Variants in LRRC4C observed in about 807,000 individuals in gnomAD.
The protein encoded by LRRC4C is leucine rich repeat containing 4C, also known as leucine-rich repeat-containing protein 4C.
A neutral mutation model predicts 33.6 loss-of-function variants in LRRC4C; 5 were observed. The observed-to-expected ratio is 0.15, with a 90% CI of 0.08 to 0.31. The LOEUF (loss-of-function observed/expected upper bound fraction) is 0.31. Ranked by LOEUF, LRRC4C falls within the 10% of genes least tolerant of loss-of-function variation. The pLI is 1.00. For missense variants in LRRC4C, 560 were observed against 796.7 expected (o/e 0.70, Z 3.58); for synonymous variants, 329 against 302.0 (o/e 1.09, Z -0.93).
intron 3 of LRRC4C, among the ~76,000 whole-genome samples, chr11:40,500,256 C>T (rs1300373778): frequency 7.0e-6 from 1 of 142,332 alleles, no homozygotes; most frequent in East Asian, 2.1e-4. Context: ...ATCTAGACCA[C>T]ATAACCTAAT....
rs56027023 is a variant in LRRC4C at position 40,274,424 on chromosome 11, TACACACACACACACAC to T, written c.-175-32842_-175-32827del. On this transcript the variant is annotated intron_variant, in intron 4 of 6. Transcript: ENST00000528697. The stretch of plus-strand genomic sequence containing the variant: ...TTACCCTGCGGAATAGACACACACA[TACACACACACACACAC>T]ACACACACACACACACACACACACA... Among the ~76,000 whole-genome samples, 90 of 139,060 alleles carry T rather than the reference TACACACACACACACAC, an allele frequency of 6.5e-4. 1 individual carries two copies. The highest frequency in any genetic ancestry group is 4.7e-4 in the South Asian group (2 of 4,240). 91.2% of individuals were successfully genotyped at this position (139,060 alleles called of 152,430 possible).
At chr11:40,141,798 G>C (rs957214535) in intron 5 of LRRC4C, among the ~76,000 whole-genome samples, 1 of 152,210 alleles carries the variant, frequency 6.6e-6, no homozygotes, top group Non-Finnish European at 1.5e-5. Flanking sequence ...ATCTGATGGT[G>C]TAAGCTTCAC....
chr11:41,341,130 A>C (rs1481381819), intron 1 of LRRC4C, among the ~76,000 whole-genome samples: 1 of 151,454 alleles, frequency 6.6e-6, no homozygotes, highest in Non-Finnish European at 1.5e-5. Flanking sequence ...ACAAGGACTG[A>C]AGGCAATCTA....
chr11:40,899,761 A>G (rs570329660), intron 2 of LRRC4C, among the ~76,000 whole-genome samples: 2 of 152,200 alleles, frequency 1.3e-5, no homozygotes, highest in Non-Finnish European at 2.9e-5. Context: ...ACTATAAGAA[A>G]AATGATGGAA....
At chr11:40,609,889 A>C (rs1961027624) in intron 3 of LRRC4C, among the ~76,000 whole-genome samples, 1 of 152,026 alleles carries the variant, frequency 6.6e-6, no homozygotes, top group Non-Finnish European at 1.5e-5. Context: ...TAGAAGACTG[A>C]TTTAGTAATG....
At chr11:40,781,728 A>G (rs927496108) in intron 2 of LRRC4C, among the ~76,000 whole-genome samples, 7 of 152,138 alleles carry the variant, frequency 4.6e-5, no homozygotes, top group African/African-American at 1.7e-4. Flanking sequence ...CCTGTATTCA[A>G]CTGGACTCTA....
intron 1 of LRRC4C, among the ~76,000 whole-genome samples, chr11:41,216,925 A>C (rs550817543): frequency 6.6e-6 from 1 of 152,220 alleles, no homozygotes; most frequent in Non-Finnish European, 1.5e-5. Flanking sequence ...TAAAGCTGAA[A>C]GAATATTCAA....
At chr11:41,370,578 T>C (rs1952709838) in intron 1 of LRRC4C, among the ~76,000 whole-genome samples, 1 of 152,152 alleles carries the variant, frequency 6.6e-6, no homozygotes, top group African/African-American at 2.4e-5. Flanking sequence ...AAGAAGCGCC[T>C]TTCTCCTCCT....
chr11:41,127,053 C>T (rs1942777406), intron 1 of LRRC4C, among the ~76,000 whole-genome samples: 2 of 152,088 alleles, frequency 1.3e-5, no homozygotes, highest in South Asian at 4.1e-4. Flanking sequence ...ACACTTTGAA[C>T]TTTCAAATTA....
chr11:40,940,527 C>T (rs1958094890), intron 1 of LRRC4C, among the ~76,000 whole-genome samples: 1 of 152,156 alleles, frequency 6.6e-6, no homozygotes, highest in Non-Finnish European at 1.5e-5. Flanking sequence ...TTGTCAGTAA[C>T]TTACTTCAGA....
chr11:40,801,044 C>T (rs372007809), intron 2 of LRRC4C, among the ~76,000 whole-genome samples: 4 of 152,236 alleles, frequency 2.6e-5, no homozygotes, highest in African/African-American at 9.6e-5. Flanking sequence ...AATTATATTC[C>T]GCACTCTAAG....
intron 2 of LRRC4C, among the ~76,000 whole-genome samples, chr11:40,814,172 C>T (rs772351025): frequency 3.3e-5 from 5 of 152,198 alleles, no homozygotes; most frequent in Admixed American, 6.5e-5. Flanking sequence ...GGGCTCCACT[C>T]CTGCAGCAAG....
At chr11:41,038,353 T>G (rs1460413819) in intron 1 of LRRC4C, among the ~76,000 whole-genome samples, 1 of 152,224 alleles carries the variant, frequency 6.6e-6, no homozygotes, top group East Asian at 1.9e-4. Flanking sequence ...TTCTCTTTAT[T>G]TTTGTATAAA....
intron 1 of LRRC4C, among the ~76,000 whole-genome samples, chr11:41,366,541 T>C (rs1031877486): frequency 1.2e-4 from 18 of 152,120 alleles, no homozygotes; most frequent in Non-Finnish European, 1.5e-5. Context: ...GTTTTTAAAA[T>C]AACTCCTTTA....
chr11:41,019,842 T>C (rs1855835322), intron 1 of LRRC4C, among the ~76,000 whole-genome samples: 1 of 152,176 alleles, frequency 6.6e-6, no homozygotes, highest in African/African-American at 2.4e-5. Flanking sequence ...TCTGTTCATA[T>C]CTTTTGTCCA....
At chr11:40,901,192 C>A (rs558593490) in intron 2 of LRRC4C, among the ~76,000 whole-genome samples, 1 of 152,176 alleles carries the variant, frequency 6.6e-6, no homozygotes, top group East Asian at 1.9e-4. Flanking sequence ...CGTGCAGAAG[C>A]CACAAATACA....
At chr11:41,368,573 C>T (rs1401328251) in intron 1 of LRRC4C, among the ~76,000 whole-genome samples, 1 of 152,114 alleles carries the variant, frequency 6.6e-6, no homozygotes, top group East Asian at 1.9e-4. Context: ...ATATTTTTAG[C>T]TGAGGTTCTG....
chr11:40,785,155 G>T (rs1181231912), intron 2 of LRRC4C, among the ~76,000 whole-genome samples: 2 of 152,080 alleles, frequency 1.3e-5, no homozygotes, highest in Admixed American at 1.3e-4. Flanking sequence ...ACACATTTCT[G>T]TCTGGATACG....
chr11:40,608,232 G>A (rs1001966697), intron 3 of LRRC4C, among the ~76,000 whole-genome samples: 10 of 152,044 alleles, frequency 6.6e-5, no homozygotes, highest in South Asian at 6.2e-4. Flanking sequence ...GCTGTAATTC[G>A]TGACATTAAT....
Sources: gnomAD v4.1 joint callset for allele counts (sites outside exome capture counted in the v4.1 genomes callset) on GRCh38, gnomAD v4.1.1 for gene constraint, MANE v1.5 for transcripts, NCBI Gene and HGNC (gene_info 2026-07-23, HGNC 2026-07-21) for gene names.